SORCS3: variants seen among roughly 807,000 people sequenced by gnomAD.
SORCS3 encodes VPS10 domain-containing receptor SorCS3.
A neutral mutation model predicts 146.3 loss-of-function variants in SORCS3; 57 were observed. The observed-to-expected ratio is 0.39, with a 90% CI of 0.31 to 0.49. The LOEUF is 0.49. Ranked by LOEUF, SORCS3 falls within the 20% of genes least tolerant of loss-of-function variation. The pLI, the probability that SORCS3 is intolerant of heterozygous loss-of-function variation, is 0.92. For synonymous variants in SORCS3, 653 were observed against 618.5 expected, an observed-to-expected ratio of 1.06 and a Z score of -0.83; for missense variants, 1,341 against 1,575.5, an observed-to-expected ratio of 0.85 and a Z score of 2.52.
At chr10:104,938,223 C>T (rs2019279232) in intron 3 of SORCS3, among the ~76,000 whole-genome samples, 1 of 152,088 alleles carries the variant, frequency 6.6e-6, no homozygotes, top group African/African-American at 2.4e-5. Flanking sequence ...AAATTTATAA[C>T]CTGGAATGAG....
rs527864839 is a variant in SORCS3 at position 105,255,524 on chromosome 10, T to G, written c.3238-178T>G. On this transcript the variant is annotated intron_variant, in intron 23 of 26. Transcript: ENST00000369701. ...TAGTTCAAGGGTCAACTGTACTTCC[T>G]TGGTTTCACAAGGCCCCAAGGGCTG... Among the ~76,000 whole-genome samples the G allele has an allele frequency of 6.1e-4, 93 of 152,226 alleles. 2 individuals carry two copies. Among genetic ancestry groups the G allele is most frequent in the Admixed American group, 3.9e-4 (6 of 15,278 alleles).
intron 3 of SORCS3, among the ~76,000 whole-genome samples, chr10:104,976,742 A>G (rs1589575470): frequency 1.3e-5 from 2 of 152,236 alleles, no homozygotes; most frequent in South Asian, 2.1e-4. Context: ...AAAAATGATG[A>G]GTTCATGTCC....
chr10:105,201,448 G>A (rs35494897), intron 16 of SORCS3, among the ~76,000 whole-genome samples, 195 bp downstream of exon 16: 33 of 152,298 alleles, frequency 2.2e-4, no homozygotes, highest in Admixed American at 5.2e-4. Context: ...GACAGGCTGA[G>A]GCATTTTCAC....
chr10:105,192,284 G>A (rs1466654167), intron 14 of SORCS3, among the ~76,000 whole-genome samples: 1 of 152,028 alleles, frequency 6.6e-6, no homozygotes, highest in Non-Finnish European at 1.5e-5. Flanking sequence ...CCTACTACCT[G>A]TATTTTGACC....
intron 5 of SORCS3, among the ~76,000 whole-genome samples, chr10:105,085,867 T>A (rs915268857): frequency 6.6e-6 from 1 of 152,150 alleles, no homozygotes; most frequent in Non-Finnish European, 1.5e-5. Context: ...GCTGCACACA[T>A]GTGCATGAAC....
intron 9 of SORCS3, among the ~76,000 whole-genome samples, chr10:105,149,502 C>A (rs1047750982): frequency 6.6e-6 from 1 of 152,094 alleles, no homozygotes; most frequent in Non-Finnish European, 1.5e-5. Flanking sequence ...ATTTCTATGC[C>A]TCTAATCATA....
At chr10:104,653,998 G>A (rs773283091) in intron 1 of SORCS3, among the ~76,000 whole-genome samples, 13 of 151,426 alleles carry the variant, frequency 8.6e-5, no homozygotes, top group South Asian at 2.1e-4. Flanking sequence ...TACTCTATGC[G>A]CATGGGTTCA....
At chr10:105,012,089 G>C (rs970183223) in intron 4 of SORCS3, among the ~76,000 whole-genome samples, 2 of 152,162 alleles carry the variant, frequency 1.3e-5, no homozygotes, top group Non-Finnish European at 2.9e-5. Flanking sequence ...TCTTCAGCCA[G>C]TTCTCTGGGT....
intron 1 of SORCS3, among the ~76,000 whole-genome samples, chr10:104,742,638 G>A (rs1480739007): frequency 2.0e-5 from 3 of 152,174 alleles, no homozygotes; most frequent in Non-Finnish European, 4.4e-5. Flanking sequence ...TGGGCCTGGG[G>A]CCTCAAGAGG....
chr10:104,670,523 C>T (rs958066144), intron 1 of SORCS3, among the ~76,000 whole-genome samples: 1 of 152,090 alleles, frequency 6.6e-6, no homozygotes, highest in Non-Finnish European at 1.5e-5. Context: ...TTTCTGGGCT[C>T]TATTCTATTG....
intron 2 of SORCS3, among the ~76,000 whole-genome samples, chr10:104,858,864 G>A (rs1209607316): frequency 5.4e-5 from 8 of 147,160 alleles, no homozygotes; most frequent in South Asian, 4.3e-4. Flanking sequence ...CTCGTGATCC[G>A]CCCCCCTCAG....
intron 7 of SORCS3, among the ~76,000 whole-genome samples, chr10:105,117,146 T>C (rs1530909): frequency 0.48 from 73,578 of 151,902 alleles, 18,357 homozygotes; most frequent in Non-Finnish European, 0.54. Context: ...CTAGTGGGAT[T>C]GAGCCCTAAT....
intron 4 of SORCS3, among the ~76,000 whole-genome samples, chr10:105,010,731 T>TTC (rs1554868245): frequency 1.3e-5 from 2 of 152,024 alleles, no homozygotes; most frequent in African/African-American, 2.4e-5. Context: ...TTTTTTTTTT[T>TTC]TCTCTCTTTC....
At chr10:105,159,738 C>T (rs768709052) in intron 11 of SORCS3, among the ~76,000 whole-genome samples, 5 of 152,190 alleles carry the variant, frequency 3.3e-5, no homozygotes, top group Middle Eastern at 3.2e-3. Flanking sequence ...CAGTGACTTT[C>T]GGAGCTGGTA....
chr10:105,261,695 C>A (rs529538325), intron 25 of SORCS3, among the ~76,000 whole-genome samples: 1 of 152,182 alleles, frequency 6.6e-6, no homozygotes, highest in African/African-American at 2.4e-5. Flanking sequence ...GTCTGCCTTG[C>A]GTTTCCAAAT....
rs2017004801 is a variant in SORCS3, at chr10:104,752,855, A to T, written c.628-89937A>T. Among the ~76,000 whole-genome samples the T allele has an allele frequency of 2.6e-5, 4 of 152,304 alleles. No individual in the cohort carries two copies. The South Asian group carries it at 8.3e-4, about 32-fold the overall frequency. On this transcript the variant is annotated intron_variant, in intron 1 of 26. Coordinates refer to ENST00000369701, the MANE Select transcript of SORCS3 (RefSeq NM_014978.3). Reference sequence around the variant, plus strand: ...TTTAAGTATTTTCTATATATCCTAAATGCCTGTAGACAGATTTTTATCGTT... The same window carrying T: ...TTTAAGTATTTTCTATATATCCTAATTGCCTGTAGACAGATTTTTATCGTT...
chr10:105,087,602 G>C (rs1488693939), intron 5 of SORCS3, among the ~76,000 whole-genome samples: 1 of 151,948 alleles, frequency 6.6e-6, no homozygotes, highest in Non-Finnish European at 1.5e-5. Flanking sequence ...GTTTTACATT[G>C]AAATTTTGGC....
intron 20 of SORCS3, among the ~76,000 whole-genome samples, chr10:105,241,412 G>A (rs1039038034): frequency 6.6e-6 from 1 of 152,368 alleles, no homozygotes; most frequent in South Asian, 2.1e-4. Flanking sequence ...CCCAGAGGGG[G>A]TGTTAGAGTG....
intron 3 of SORCS3, among the ~76,000 whole-genome samples, chr10:104,939,039 C>G (rs1018860846): frequency 6.6e-6 from 1 of 152,226 alleles, no homozygotes; most frequent in Non-Finnish European, 1.5e-5. Context: ...GACCCACCTT[C>G]TGTGTTCAGC....
Sources: gnomAD v4.1 joint callset for allele counts (sites outside exome capture counted in the v4.1 genomes callset) on GRCh38, gnomAD v4.1.1 for gene constraint, MANE v1.5 for transcripts, NCBI Gene and HGNC (gene_info 2026-07-23, HGNC 2026-07-21) for gene names.